Variants in TBC1D16 observed in about 807,000 individuals in gnomAD.
The protein encoded by TBC1D16 is TBC1 domain family member 16.
Under a neutral mutation model 74.7 loss-of-function variants are expected in TBC1D16, and 58 were observed. That is an observed-to-expected ratio of 0.78 (90% CI 0.63 to 0.97). The LOEUF (loss-of-function observed/expected upper bound fraction) is 0.97. Ranked by LOEUF, TBC1D16 falls within the 50% of genes least tolerant of loss-of-function variation. The pLI is 0.00. For synonymous variants in TBC1D16, 493 were observed against 474.7 expected, an observed-to-expected ratio of 1.04 and a Z score of -0.50; for missense variants, 1,014 against 1,079.5, an observed-to-expected ratio of 0.94 and a Z score of 0.85.
In TBC1D16 at chr17:79,948,978, C is replaced by T. The variant is rs762349820; in HGVS notation, c.1435G>A (p.Ala479Thr). ...RLSMTPEEHR[A>T]FWRNVQFTVD... ...GTGAACTGCACATTACGCCAGAACG[C>T]TCTGTGCTCCTCGGGAGTCATGGAG... Residue 479 changes from alanine (A) to threonine (T), a missense_variant, in exon 8 of 12, where the codon GCG (alanine) becomes ACG (threonine). Transcript: ENST00000310924. 4 of 1,614,200 alleles carry T rather than the reference C, an allele frequency of 2.5e-6. No homozygotes were observed. The South Asian group carries it at 4.4e-5, about 18-fold the overall frequency.
intron 1 of TBC1D16, chr17:80,023,958 C>T (rs890076994): frequency 1.3e-5 from 2 of 150,478 alleles, no homozygotes; most frequent in Non-Finnish European, 2.9e-5. Context: ...GAAAGAGCTC[C>T]GGCGGACAGG....
At position 79,940,908 on chromosome 17, in the gene TBC1D16, C is replaced by T. The variant is rs187446235; in HGVS notation, c.2255G>A (p.Gly752Asp). Residue 752 changes from glycine to aspartate, a missense_variant, in exon 12 of 12, where the codon GGC becomes GAC. Gly to Asp is a moderately conservative substitution (Grantham distance 94). Coordinates refer to ENST00000310924, the MANE Select transcript of TBC1D16 (RefSeq NM_019020.4). This position sits in a 1 kb window ranked among gnomAD's most constrained non-coding sequence, Gnocchi z 5.4. ...CTGCGGCGTCTTTGGGCCCTTCTTG[C>T]CTTCCCTCAGGGACTTGGGGGAAGG... ...EMPSPKSLRE[G>D]KKGPKTPQDG... The T allele has an allele frequency of 1.3e-5, 21 of 1,584,188 alleles. No individual in the cohort carries two copies. The Middle Eastern group carries it at 2.0e-3, about 151-fold the overall frequency.
chr17:79,978,183 C>T (rs183779436), intron 3 of TBC1D16, among the ~76,000 whole-genome samples: 2 of 152,242 alleles, frequency 1.3e-5, no homozygotes, highest in South Asian at 2.1e-4. Context: ...GCAGCAAGGC[C>T]GGAAAATACA....
chr17:79,965,085 A>ATT (rs35425466), intron 3 of TBC1D16, among the ~76,000 whole-genome samples: 7 of 151,082 alleles, frequency 4.6e-5, no homozygotes, highest in African/African-American at 7.3e-5. Context: ...TTCTGTATTA[A>ATT]TTTTTTTTTG....
intron 2 of TBC1D16, among the ~76,000 whole-genome samples, chr17:80,012,943 G>A (rs570647974): frequency 9.8e-5 from 15 of 152,322 alleles, no homozygotes; most frequent in South Asian, 2.1e-4. Context: ...CTGTGCAGCC[G>A]AGAGTCGCTC....
chr17:79,949,060 G>A lies in TBC1D16; in HGVS notation c.1407-54C>T, dbSNP rs973884270. ...TCAGCGGGTGGCACCCAGAGGCATC[G>A]TGTGGCGCACACACTGCAGGAAGCC... On this transcript the variant is annotated intron_variant, in intron 7 of 11. Transcript: ENST00000310924. 15 of 1,609,768 alleles carry A rather than the reference G, an allele frequency of 9.3e-6. 1 individual carries two copies. The highest frequency in any genetic ancestry group is 8.8e-5 in the South Asian group (8 of 90,816).
Position 79,940,720 on chromosome 17 carries a change from GT to G in TBC1D16, c.*138del, listed in dbSNP as rs1251008559. 4.5e-5 allele frequency: 46 copies of G among 1,017,360 alleles called. No individual in the cohort carries two copies. The highest frequency in any genetic ancestry group is 5.7e-5 in the Non-Finnish European group (43 of 748,002). 63.0% of individuals were successfully genotyped at this position (1,017,360 alleles called of 1,614,324 possible). ...CTAATTTTGTCATTAATATGAAAAG[GT>G]TCCTCTCATGTTGCCCAAAAGCATT... On this transcript the variant is annotated 3_prime_UTR_variant, in exon 12 of 12. Coordinates refer to ENST00000310924, the MANE Select transcript of TBC1D16 (RefSeq NM_019020.4). This position sits in a 1 kb window ranked among gnomAD's most constrained non-coding sequence, Gnocchi z 5.4.
In TBC1D16 at chr17:80,035,498, C is replaced by A. The variant is rs1460492419; in HGVS notation, c.-63+297G>T. Among the ~76,000 whole-genome samples the A allele has an allele frequency of 6.6e-6, 1 of 152,066 alleles. No homozygotes were observed. Among genetic ancestry groups the A allele is most frequent in the African/African-American group, 2.4e-5 (1 of 41,468 alleles). On this transcript the variant is annotated intron_variant, in intron 1 of 11. Transcript: ENST00000310924. This position sits in a 1 kb window ranked among gnomAD's most constrained non-coding sequence, Gnocchi z 5.3. ...TCCACCGCTCCAGACAGGCGGGGAC[C>A]AGTCTCCCCGAATTAGGCCCATTCC...
At chr17:80,030,638 GC>G (rs1258050227) in intron 1 of TBC1D16, among the ~76,000 whole-genome samples, 1 of 152,210 alleles carries the variant, frequency 6.6e-6, no homozygotes, top group Non-Finnish European at 1.5e-5. Context: ...CGGCCTCAGG[GC>G]CACCTTGGGT....
In TBC1D16 at chr17:79,934,662, C is replaced by T. The variant is rs1309583059; in HGVS notation, c.*6197G>A. 1 of 152,366 alleles carries T rather than the reference C, an allele frequency of 6.6e-6. No individual in the cohort carries two copies. The highest frequency in any genetic ancestry group is 1.9e-4 in the East Asian group (1 of 5,192). 9.4% of individuals were successfully genotyped at this position (152,366 alleles called of 1,614,324 possible). On this transcript the variant is annotated 3_prime_UTR_variant, in exon 12 of 12. Coordinates refer to ENST00000310924, the MANE Select transcript of TBC1D16 (RefSeq NM_019020.4). ...GGAAGCCCACTGCTCCTCCTGGGGCCTAGTCCGTGGGACCTGCCCAGCCAG... is the reference window on the plus strand; with the variant it reads ...GGAAGCCCACTGCTCCTCCTGGGGCTTAGTCCGTGGGACCTGCCCAGCCAG...
Position 79,965,740 on chromosome 17 carries a change from G to A in TBC1D16, c.780-12922C>T, listed in dbSNP as rs1481181501. ...TCCAGAGACAGCAGTCACATCAACT[G>A]GAAAAGAAGACAACACTCTAAAAAC... is the stretch of plus-strand genomic sequence containing the variant. On this transcript the variant is annotated intron_variant, in intron 3 of 11. Transcript: ENST00000310924. 6.6e-5 allele frequency among the ~76,000 whole-genome samples: 10 copies of A among 152,134 alleles called. No individual in the cohort carries two copies. The East Asian group carries it at 1.9e-3, about 29-fold the overall frequency.
In TBC1D16 at chr17:80,035,349, A is replaced by G. The variant is rs2036942306; in HGVS notation, c.-63+446T>C. Reference sequence around the variant, plus strand: ...ACCACCAAGCCCGACAGGCCGGGAAAGCTGAGCGCGCGCTGCTGGGGGGAC... The same window carrying G: ...ACCACCAAGCCCGACAGGCCGGGAAGGCTGAGCGCGCGCTGCTGGGGGGAC... On this transcript the variant is annotated intron_variant, in intron 1 of 11. Coordinates refer to ENST00000310924, the MANE Select transcript of TBC1D16 (RefSeq NM_019020.4). This position sits in a 1 kb window ranked among gnomAD's most constrained non-coding sequence, Gnocchi z 5.3. Among the ~76,000 whole-genome samples, 1 of 151,972 alleles carries G rather than the reference A, an allele frequency of 6.6e-6. No homozygotes were observed. The highest frequency in any genetic ancestry group is 6.5e-5 in the Admixed American group (1 of 15,274).
At chr17:80,025,172 G>A (rs1311078853) in intron 1 of TBC1D16, among the ~76,000 whole-genome samples, 3 of 145,194 alleles carry the variant, frequency 2.1e-5, no homozygotes, top group Middle Eastern at 3.6e-3. Flanking sequence ...ACACACCATA[G>A]ACACACACAT....
At chr17:80,034,759 T>C (rs1389145607) in intron 1 of TBC1D16, among the ~76,000 whole-genome samples, 4 of 152,214 alleles carry the variant, frequency 2.6e-5, no homozygotes, top group African/African-American at 9.7e-5. Flanking sequence ...AGGCATGGAT[T>C]TGAAAAAGTG....
rs35346852 is a variant in TBC1D16 at position 79,948,312 on chromosome 17, C to CAAA, written c.1542-484_1542-482dup. 9.5e-4 allele frequency among the ~76,000 whole-genome samples: 130 copies of CAAA among 136,490 alleles called. 1 individual carries two copies. Among genetic ancestry groups the CAAA allele is most frequent in the African/African-American group, 2.0e-3 (72 of 36,400 alleles). The allele number at this position is 136,490 out of a possible 152,430, so 89.5% of individuals were successfully genotyped here. ...TGGATGACAGAGCGAGACTCCGTCT[C>CAAA]AAAAAAAAAAAAAAAAGTAATGGCC... On this transcript the variant is annotated intron_variant, in intron 8 of 11. Coordinates refer to ENST00000310924, the MANE Select transcript of TBC1D16 (RefSeq NM_019020.4).
intron 3 of TBC1D16, among the ~76,000 whole-genome samples, chr17:79,966,714 G>A (rs2033859241): frequency 6.6e-6 from 1 of 152,008 alleles, no homozygotes; most frequent in African/African-American, 2.4e-5. Flanking sequence ...TTTTGACTTT[G>A]TATAAAAGTC....
In TBC1D16 at chr17:80,032,005, G is replaced by GAAAAT. The variant is rs547147417; in HGVS notation, c.-63+3789_-63+3790insATTTT. Reference sequence around the variant, plus strand: ...TGCTTTGGAAAGCATTTTAGTTACAGAAAAGGCAAAAGGCTGTCAAATGAC... The same window carrying GAAAAT: ...TGCTTTGGAAAGCATTTTAGTTACAGAAAATAAAAGGCAAAAGGCTGTCAAATGAC... On this transcript the variant is annotated intron_variant, in intron 1 of 11. Coordinates refer to ENST00000310924, the MANE Select transcript of TBC1D16 (RefSeq NM_019020.4). Among the ~76,000 whole-genome samples, 45 of 152,314 alleles carry GAAAAT rather than the reference G, an allele frequency of 3.0e-4. No homozygotes were observed. The South Asian group carries it at 8.5e-3, about 29-fold the overall frequency.
At chr17:80,029,761 G>T (rs778331745) in intron 1 of TBC1D16, among the ~76,000 whole-genome samples, 39 of 152,156 alleles carry the variant, frequency 2.6e-4, no homozygotes, top group Non-Finnish European at 4.6e-4. Context: ...TGTGACAAAT[G>T]ACACAAACTT....
At chr17:79,943,875 G>T in intron 10 of TBC1D16, 2 of 1,405,352 alleles carry the variant, frequency 1.4e-6, no homozygotes, top group Non-Finnish European at 1.9e-6. Flanking sequence ...AACGTGCAAT[G>T]AGGCACGATT....
Sources: allele counts gnomAD v4.1 joint callset (sites outside exome capture counted in the v4.1 genomes callset), GRCh38; gene constraint gnomAD v4.1.1; non-coding constraint Gnocchi (gnomAD v3.1); transcripts MANE v1.5; gene names NCBI Gene and HGNC (gene_info 2026-07-23, HGNC 2026-07-21).